The following DLG5 variants were observed in gnomAD, a reference collection of about 807,000 sequenced individuals.
DLG5 encodes disks large homolog 5.
In DLG5, 48 loss-of-function variants were observed where a neutral mutation model predicts 189.8. The ratio of observed to expected loss-of-function variants is 0.25; its 90% CI spans 0.20 to 0.32. The LOEUF (loss-of-function observed/expected upper bound fraction) is 0.32, where lower values mean the gene tolerates loss of function less well. Ranked by LOEUF, DLG5 falls within the 10% of genes least tolerant of loss-of-function variation. The pLI is 1.00. For synonymous variants in DLG5, 1,016 were observed against 1,054.1 expected, an observed-to-expected ratio of 0.96 and a Z score of 0.70; for missense variants, 2,160 against 2,544.7, an observed-to-expected ratio of 0.85 and a Z score of 3.25.
the DLG5 span, among the ~76,000 whole-genome samples, chr10:77,937,394 T>A: frequency 2.0e-5 from 3 of 152,180 alleles, no homozygotes; most frequent in Non-Finnish European, 2.9e-5. Flanking sequence ...TTGCCTTGCA[T>A]CATTTGTAAG....
At chr10:77,830,617 C>T in intron 10 of DLG5, 124 bp downstream of exon 10, 1 of 1,469,482 alleles carries the variant, frequency 6.8e-7, no homozygotes, top group Admixed American at 1.9e-5. Context: ...ATGCCTCACA[C>T]TCCTGGGAGG....
chr10:77,791,428 TCA>T lies in DLG5; in HGVS notation c.*1010_*1011del, dbSNP rs1050236205. On this transcript the variant is annotated 3_prime_UTR_variant, in exon 32 of 32. Transcript: ENST00000372391. ...TGCTGTAATCAAGATTAAAAAGACC[TCA>T]GTTTTTCTTTTTAGACTGTTGATAG... The T allele has an allele frequency of 2.6e-5, 4 of 152,172 alleles. No homozygotes were observed. The highest frequency in any genetic ancestry group is 7.2e-5 in the African/African-American group (3 of 41,436). The allele number at this position is 152,172 out of a possible 1,614,324, so 9.4% of individuals were successfully genotyped here. A position where few individuals can be genotyped will look rare whatever the true frequency, so the allele number is the denominator to read the frequency against.
Position 77,834,444 on chromosome 10 carries a change from C to A in DLG5, c.1623-405G>T, listed in dbSNP as rs146564475. On this transcript the variant is annotated intron_variant, in intron 8 of 31. Coordinates refer to ENST00000372391, the MANE Select transcript of DLG5 (RefSeq NM_004747.4). Reference sequence around the variant, plus strand: ...CTGGCAGGCCTGTGCTCCAGCACTACCACATGTCTCATATCTACCCACAGG... The same window carrying A: ...CTGGCAGGCCTGTGCTCCAGCACTAACACATGTCTCATATCTACCCACAGG... Among the ~76,000 whole-genome samples, 633 of 152,268 alleles carry A rather than the reference C, an allele frequency of 4.2e-3. 7 individuals carry two copies. Among genetic ancestry groups the A allele is most frequent in the Middle Eastern group, 6.8e-3 (2 of 294 alleles).
In DLG5 at chr10:77,896,116, C is replaced by T. The variant is rs182766758; in HGVS notation, c.305-26919G>A. Among the ~76,000 whole-genome samples the T allele has an allele frequency of 2.1e-3, 307 of 148,438 alleles. 1 individual carries two copies. Among genetic ancestry groups the T allele is most frequent in the African/African-American group, 7.2e-3 (287 of 39,878 alleles). On this transcript the variant is annotated intron_variant, in intron 1 of 31. Coordinates refer to ENST00000372391, the MANE Select transcript of DLG5 (RefSeq NM_004747.4). ...CAAAGTTTGCAGTGAGCCAAGATCC[C>T]GCCACAGCACTCCAGGAGACTGTGT... is the stretch of plus-strand genomic sequence containing the variant.
chr10:77,919,458 G>A (rs910552385), intron 1 of DLG5, among the ~76,000 whole-genome samples: 1 of 150,872 alleles, frequency 6.6e-6, no homozygotes, highest in African/African-American at 2.4e-5. Context: ...CAAGTCTCCC[G>A]TCAATGCTCA....
chr10:77,802,217 C>T lies in DLG5; in HGVS notation c.5164+3448G>A, dbSNP rs1841242935. 2.0e-5 allele frequency among the ~76,000 whole-genome samples: 3 copies of T among 152,176 alleles called. No individual in the cohort carries two copies. In the South Asian group the frequency reaches 6.2e-4, roughly 32 times the overall value. On this transcript the variant is annotated intron_variant, in intron 27 of 31. Transcript: ENST00000372391. ...GGATAAACCTGTGTGTTTGAAGCCA[C>T]ACAGTCTGTGGTAATTGGGTACAGC...
At chr10:77,827,939 G>C (rs1251881329) in intron 13 of DLG5, among the ~76,000 whole-genome samples, 1 of 152,112 alleles carries the variant, frequency 6.6e-6, no homozygotes, top group East Asian at 1.9e-4. Context: ...AATGGGGGCA[G>C]GGACAATCTC....
At chr10:77,833,786 A>G in intron 9 of DLG5, 128 bp downstream of exon 9, 1 of 1,379,242 alleles carries the variant, frequency 7.3e-7, no homozygotes, top group Non-Finnish European at 9.9e-7. Context: ...GTGAAGGGAC[A>G]AACAGCCAGC....
intron 1 of DLG5, among the ~76,000 whole-genome samples, chr10:77,896,891 G>A (rs532286387): frequency 2.0e-5 from 3 of 152,038 alleles, no homozygotes; most frequent in South Asian, 2.1e-4. Flanking sequence ...AGTGTTTATC[G>A]TACTTTCCCT....
Position 77,830,222 on chromosome 10 carries a change from G to C in DLG5, c.2004C>G (p.Arg668=). 1 of 1,614,088 alleles carries C rather than the reference G, an allele frequency of 6.2e-7. No individual in the cohort carries two copies. The change falls in exon 11 of 32, where the codon CGC becomes CGG. Residue 668 remains arginine (R), a synonymous_variant. Transcript: ENST00000372391. ...GCCTGGGCCTCAACTCTTACCTTAA[G>C]CGGCCATCAGCAATGCTTCCTTTGT... ...KVDKGSIADG[R]LRVNDWLLRI... is the part of the protein sequence containing the mutation.
chr10:77,897,932 A>G (rs1845813492), intron 1 of DLG5, among the ~76,000 whole-genome samples: 1 of 152,150 alleles, frequency 6.6e-6, no homozygotes, highest in South Asian at 2.1e-4. Flanking sequence ...TAGAATTTCC[A>G]GGCAGGTTCT....
At position 77,907,514 on chromosome 10, in the gene DLG5, G is replaced by A. The variant is rs544809419; in HGVS notation, c.304+18703C>T. Among the ~76,000 whole-genome samples, 4 of 152,294 alleles carry A rather than the reference G, an allele frequency of 2.6e-5. No individual in the cohort carries two copies. The South Asian group carries it at 8.3e-4, about 32-fold the overall frequency. ...TAATCAATTGAGCCTGTGAGGTGGAGGTGGCCATGAGCTGAGATCATGCCA... is the reference window on the plus strand; with the variant it reads ...TAATCAATTGAGCCTGTGAGGTGGAAGTGGCCATGAGCTGAGATCATGCCA... On this transcript the variant is annotated intron_variant, in intron 1 of 31. Transcript: ENST00000372391.
At chr10:77,908,235 A>C (rs1846119683) in intron 1 of DLG5, among the ~76,000 whole-genome samples, 1 of 152,322 alleles carries the variant, frequency 6.6e-6, no homozygotes, top group South Asian at 2.1e-4. Context: ...TGTAACTCTC[A>C]GAGTTGAAAC....
intron 20 of DLG5, among the ~76,000 whole-genome samples, chr10:77,814,421 T>C (rs1048344546): frequency 7.3e-5 from 10 of 137,192 alleles, no homozygotes; most frequent in African/African-American, 2.1e-4. Flanking sequence ...AACATAATAT[T>C]AAGGGAGATT....
At chr10:77,891,573 G>GACACACACACACACACAC (rs55688664) in intron 1 of DLG5, among the ~76,000 whole-genome samples, 7 of 140,580 alleles carry the variant, frequency 5.0e-5, no homozygotes, top group South Asian at 2.4e-4. Context: ...TCCCCCAACA[G>GACACACACACACACACAC]ACACACACAC....
rs145168130 is a variant in DLG5, at chr10:77,842,089, G to A, written c.1229C>T (p.Thr410Met). 3.8e-5 allele frequency: 61 copies of A among 1,613,662 alleles called. No individual in the cohort carries two copies. The African/African-American group carries it at 4.5e-4, about 12-fold the overall frequency. ...LQSELTELRT[T>M]QVKTAKESEK... The stretch of plus-strand genomic sequence containing the variant: ...CGACTCCTTTGCTGTCTTCACCTGC[G>A]TGGTTCTCAGCTCGGTCAGCTCTGA... Residue 410 changes from threonine (T) to methionine (M), a missense_variant, in exon 7 of 32, where the codon ACG becomes ATG. Transcript: ENST00000372391.
At position 77,830,678 on chromosome 10, in the gene DLG5, C is replaced by T. The variant is rs371080584; in HGVS notation, c.1881+63G>A. 4.6e-4 allele frequency: 738 copies of T among 1,587,444 alleles called. 1 individual carries two copies. The African/African-American group carries it at 7.5e-3, about 16-fold the overall frequency. ...TGGTGAAACTGGGAGATACTGCAAG[C>T]GGGTCACCGTCTCCTCCTTCATCCA... On this transcript the variant is annotated intron_variant, in intron 10 of 31. Transcript: ENST00000372391.
the DLG5 span, among the ~76,000 whole-genome samples, chr10:77,936,989 C>T: frequency 6.6e-6 from 1 of 152,164 alleles, no homozygotes; most frequent in Admixed American, 6.5e-5. Context: ...TCGGTGAACC[C>T]CAGTGAGCCA....
intron 1 of DLG5, among the ~76,000 whole-genome samples, chr10:77,918,029 A>C (rs574428688): frequency 1.3e-4 from 19 of 151,198 alleles, no homozygotes; most frequent in African/African-American, 4.4e-4. Context: ...AAAAAAAAAA[A>C]CAAAAAACAA....
Sources: allele counts gnomAD v4.1 joint callset (sites outside exome capture counted in the v4.1 genomes callset), GRCh38; gene constraint gnomAD v4.1.1; transcripts MANE v1.5; gene names NCBI Gene and HGNC (gene_info 2026-07-23, HGNC 2026-07-21).